Variants in TEAD1 observed in about 807,000 individuals in gnomAD.
TEAD1 encodes the protein transcriptional enhancer factor TEF-1.
TEAD1 carries 9 observed loss-of-function variants against 54.9 expected under a neutral mutation model. The ratio of observed to expected loss-of-function variants is 0.16; its 90% CI spans 0.10 to 0.29. The LOEUF (loss-of-function observed/expected upper bound fraction) is 0.29, where lower values mean the gene tolerates loss of function less well. Ranked by LOEUF, TEAD1 falls within the 10% of genes least tolerant of loss-of-function variation. The pLI is 1.00. For synonymous variants in TEAD1, 200 were observed against 187.8 expected, an observed-to-expected ratio of 1.07 and a Z score of -0.53; for missense variants, 387 against 535.9, an observed-to-expected ratio of 0.72 and a Z score of 2.74.
chr11:12,702,371 C>T (rs572444389), intron 2 of TEAD1, among the ~76,000 whole-genome samples: 18 of 152,320 alleles, frequency 1.2e-4, no homozygotes, highest in Non-Finnish European at 1.5e-4. Flanking sequence ...ACCAGTCCCT[C>T]GACACCACTC....
intron 3 of TEAD1, among the ~76,000 whole-genome samples, chr11:12,771,607 G>A (rs1471714628): frequency 6.6e-6 from 1 of 152,174 alleles, no homozygotes; most frequent in Non-Finnish European, 1.5e-5. Context: ...AGAGGAATGA[G>A]GAGTTAAGTT....
intron 9 of TEAD1, among the ~76,000 whole-genome samples, chr11:12,889,654 A>T (rs1948157094): frequency 6.6e-6 from 1 of 152,224 alleles, no homozygotes; most frequent in African/African-American, 2.4e-5. Flanking sequence ...GTTCCATGAT[A>T]CAGTAGAGGA....
In TEAD1 at chr11:12,715,896, T is replaced by C. The variant is rs1360495526; in HGVS notation, c.-55+40335T>C. Among the ~76,000 whole-genome samples, 6 of 152,112 alleles carry C rather than the reference T, an allele frequency of 3.9e-5. No individual in the cohort carries two copies. The East Asian group carries it at 9.7e-4, about 25-fold the overall frequency. On this transcript the variant is annotated intron_variant, in intron 2 of 12. Transcript: ENST00000527636. ...AATCTAGCAATCTCACCTCTAGGGG[T>C]TCCCAGATTAACAGGTGGCGATGGA...
chr11:12,699,041 T>A (rs573673926), intron 2 of TEAD1, among the ~76,000 whole-genome samples: 457 of 152,286 alleles, frequency 3.0e-3, no homozygotes, highest in African/African-American at 0.01. Flanking sequence ...TCCTCCAATT[T>A]AAAAAAATGA....
chr11:12,848,805 CT>C (rs1439212288), intron 3 of TEAD1: 1 of 151,734 alleles, frequency 6.6e-6, no homozygotes, highest in African/African-American at 2.4e-5. Context: ...AAAAAAATAG[CT>C]GCGTATAGTG....
intron 9 of TEAD1, among the ~76,000 whole-genome samples, chr11:12,895,318 CAA>C (rs1403464700): frequency 3.3e-5 from 5 of 152,146 alleles, no homozygotes; most frequent in Admixed American, 1.3e-4. Flanking sequence ...TATAGCAAAA[CAA>C]AGAGAAAATG....
Position 12,859,315 on chromosome 11 carries a change from A to ACATTTTTGTCTCCT in TEAD1, c.203-2935_203-2934insCATTTTTGTCTCCT, listed in dbSNP as rs1564966596. Among the ~76,000 whole-genome samples the ACATTTTTGTCTCCT allele has an allele frequency of 7.1e-3, 1,079 of 152,308 alleles. 13 individuals are homozygous for ACATTTTTGTCTCCT. Among genetic ancestry groups the ACATTTTTGTCTCCT allele is most frequent in the African/African-American group, 0.025 (1,022 of 41,534 alleles). ...GAAAATAAACAAGTTTGAGGGTAGG[A>ACATTTTTGTCTCCT]GACATTTTTGTCATCTGGACAAGGT... is the stretch of plus-strand genomic sequence containing the variant. On this transcript the variant is annotated intron_variant, in intron 3 of 12. Coordinates refer to ENST00000527636, the MANE Select transcript of TEAD1 (RefSeq NM_021961.6).
intron 10 of TEAD1, among the ~76,000 whole-genome samples, chr11:12,920,434 C>T (rs894458085): frequency 6.6e-6 from 1 of 152,092 alleles, no homozygotes; most frequent in Non-Finnish European, 1.5e-5. Flanking sequence ...ACCCACCTGC[C>T]CCCATACACA....
intron 10 of TEAD1, among the ~76,000 whole-genome samples, chr11:12,918,146 G>C (rs182578294): frequency 1.0e-3 from 158 of 152,038 alleles, no homozygotes; most frequent in Non-Finnish European, 2.0e-3. Flanking sequence ...CAGTTGGGAG[G>C]GGGGACGTGT....
intron 3 of TEAD1, chr11:12,828,465 G>C (rs1041792060): frequency 1.3e-5 from 2 of 152,142 alleles, no homozygotes; most frequent in Admixed American, 1.3e-4. Flanking sequence ...TGTTGAGGGC[G>C]ACCCGGGCAG....
intron 7 of TEAD1, among the ~76,000 whole-genome samples, chr11:12,881,569 G>T (rs912085613): frequency 6.7e-6 from 1 of 148,484 alleles, no homozygotes; most frequent in African/African-American, 2.5e-5. Context: ...GAGAAGGAGA[G>T]CCTGAAGCAT....
intron 2 of TEAD1, among the ~76,000 whole-genome samples, chr11:12,698,219 G>A (rs563938748): frequency 1.6e-4 from 24 of 152,114 alleles, no homozygotes; most frequent in Non-Finnish European, 2.8e-4. Context: ...AGCGGGGACC[G>A]GGAGGTGAGG....
intron 3 of TEAD1, among the ~76,000 whole-genome samples, chr11:12,781,615 T>A (rs1355368630): frequency 6.7e-6 from 1 of 149,648 alleles, no homozygotes; most frequent in Admixed American, 6.7e-5. Context: ...CACTGCGATA[T>A]CACTTTATAT....
chr11:12,749,074 T>G (rs1944810816), intron 2 of TEAD1, among the ~76,000 whole-genome samples: 1 of 152,184 alleles, frequency 6.6e-6, no homozygotes, highest in Admixed American at 6.5e-5. Context: ...AGATCCTTAA[T>G]CAGCAATGTG....
intron 5 of TEAD1, among the ~76,000 whole-genome samples, chr11:12,872,190 G>C (rs1947761577): frequency 6.6e-6 from 1 of 152,194 alleles, no homozygotes; most frequent in Admixed American, 6.5e-5. Flanking sequence ...TATCATCACT[G>C]ATTCCATCCA....
intron 3 of TEAD1, among the ~76,000 whole-genome samples, chr11:12,859,870 G>A (rs1421794784): frequency 6.6e-6 from 1 of 152,174 alleles, no homozygotes; most frequent in Admixed American, 6.5e-5. Context: ...AGACCTAGGA[G>A]TTTAAGTTGG....
rs1382889313 is a variant in TEAD1, at chr11:12,776,222, C to T, written c.202+11788C>T. Reference sequence around the variant, plus strand: ...TGAGTGTGTCAGTCAGCTGGCCCAGCTCAGAGACGCATAATTCCAACATTC... The same window carrying T: ...TGAGTGTGTCAGTCAGCTGGCCCAGTTCAGAGACGCATAATTCCAACATTC... On this transcript the variant is annotated intron_variant, in intron 3 of 12. Transcript: ENST00000527636. 4.6e-5 allele frequency among the ~76,000 whole-genome samples: 7 copies of T among 152,196 alleles called. 1 individual carries two copies. The highest frequency in any genetic ancestry group is 8.8e-5 in the Non-Finnish European group (6 of 68,038).
chr11:12,748,739 G>A (rs528050241), intron 2 of TEAD1, among the ~76,000 whole-genome samples: 1 of 152,136 alleles, frequency 6.6e-6, no homozygotes, highest in South Asian at 2.1e-4. Context: ...TGGCAGTGGC[G>A]AGAGTGTGGG....
At chr11:12,844,548 C>G (rs571894699) in intron 3 of TEAD1, among the ~76,000 whole-genome samples, 2 of 152,190 alleles carry the variant, frequency 1.3e-5, no homozygotes, top group East Asian at 3.9e-4. Flanking sequence ...GGGGAAGGTG[C>G]GAGACAGTTG....
Sources: allele counts gnomAD v4.1 joint callset (sites outside exome capture counted in the v4.1 genomes callset), GRCh38; gene constraint gnomAD v4.1.1; transcripts MANE v1.5; gene names NCBI Gene and HGNC (gene_info 2026-07-23, HGNC 2026-07-21).